PDE1A: variants seen among roughly 807,000 people sequenced by gnomAD.
PDE1A encodes the protein phosphodiesterase 1A.
In PDE1A, 35 loss-of-function variants were observed where a neutral mutation model predicts 61.7. That is an observed-to-expected ratio of 0.57 (90% CI 0.43 to 0.75). PDE1A has a LOEUF of 0.75. PDE1A is among the 30% of genes least tolerant of loss of function. The probability of loss-of-function intolerance (pLI) is 0.00; values close to 1 mark genes in which losing one functional copy is unlikely to be tolerated. For missense variants in PDE1A, 597 were observed against 630.6 expected, an observed-to-expected ratio of 0.95 and a Z score of 0.57; for synonymous variants, 232 against 213.2, an observed-to-expected ratio of 1.09 and a Z score of -0.77.
chr2:182,309,742 A>G (rs571813486), intron 1 of PDE1A, among the ~76,000 whole-genome samples: 1 of 152,312 alleles, frequency 6.6e-6, no homozygotes, highest in Admixed American at 6.5e-5. Flanking sequence ...AATATGCATG[A>G]AATACAACTG....
At chr2:182,339,973 C>A (rs922086999) in intron 1 of PDE1A, among the ~76,000 whole-genome samples, 2 of 152,084 alleles carry the variant, frequency 1.3e-5, no homozygotes, top group Admixed American at 1.3e-4. Flanking sequence ...TGTAAATATG[C>A]CTCAGAATAA....
At chr2:182,597,232 A>G in the PDE1A span, among the ~76,000 whole-genome samples, 1 of 152,150 alleles carries the variant, frequency 6.6e-6, no homozygotes, top group Non-Finnish European at 1.5e-5. Flanking sequence ...CTTAAGAGCA[A>G]TTATGAGAAA....
intron 6 of PDE1A, among the ~76,000 whole-genome samples, chr2:182,227,874 G>GA (rs1388734295): frequency 6.6e-6 from 1 of 152,080 alleles, no homozygotes; most frequent in Non-Finnish European, 1.5e-5. Flanking sequence ...ACTGATCAGA[G>GA]AAAAATGCAG....
chr2:182,319,655 G>A (rs1162237554), intron 1 of PDE1A, among the ~76,000 whole-genome samples: 1 of 152,130 alleles, frequency 6.6e-6, no homozygotes, highest in East Asian at 1.9e-4. Flanking sequence ...GAAGTAAGAA[G>A]TATGTTTAAG....
At chr2:182,169,113 CAT>C (rs1316135435) in intron 13 of PDE1A, among the ~76,000 whole-genome samples, 1 of 151,910 alleles carries the variant, frequency 6.6e-6, no homozygotes, top group African/African-American at 2.4e-5. Flanking sequence ...TTGGTAAACT[CAT>C]AAGCATTAAG....
chr2:182,577,980 GGAAGGAAGGA>G, the PDE1A span, among the ~76,000 whole-genome samples: 28 of 144,596 alleles, frequency 1.9e-4, 1 homozygote, highest in African/African-American at 6.8e-4. Flanking sequence ...AAGGAAGGAA[GGAAGGAAGGA>G]AGGGACGGAG....
At chr2:182,530,549 T>C in the PDE1A span, among the ~76,000 whole-genome samples, 2 of 151,996 alleles carry the variant, frequency 1.3e-5, no homozygotes, top group Admixed American at 6.5e-5. Context: ...TTCTTACCTA[T>C]AGAGAAAAAA....
At chr2:182,491,214 G>C (rs185295328) in intron 2 of PDE1A, among the ~76,000 whole-genome samples, 3 of 152,310 alleles carry the variant, frequency 2.0e-5, no homozygotes, top group Non-Finnish European at 4.4e-5. Context: ...CAGTATAATA[G>C]TGTGTTTTTC....
the PDE1A span, among the ~76,000 whole-genome samples, chr2:182,707,677 G>A: frequency 4.6e-5 from 7 of 152,154 alleles, no homozygotes; most frequent in Non-Finnish European, 8.8e-5. Context: ...GAAAACTCCA[G>A]GTGGATTCAC....
chr2:182,605,912 A>G, the PDE1A span, among the ~76,000 whole-genome samples: 2 of 152,162 alleles, frequency 1.3e-5, no homozygotes, highest in African/African-American at 4.8e-5. Context: ...CACACACCAA[A>G]ACATCTCAAG....
the PDE1A span, among the ~76,000 whole-genome samples, chr2:182,692,734 G>A: frequency 6.7e-6 from 1 of 149,726 alleles, no homozygotes; most frequent in Admixed American, 6.7e-5. Context: ...GTTGAATTCA[G>A]ATATAAAACA....
At chr2:182,465,876 A>C (rs1686625611) in intron 2 of PDE1A, among the ~76,000 whole-genome samples, 1 of 152,136 alleles carries the variant, frequency 6.6e-6, no homozygotes, top group African/African-American at 2.4e-5. Flanking sequence ...CATTAAATAA[A>C]CAGTTTACTT....
At chr2:182,715,207 T>C in the PDE1A span, among the ~76,000 whole-genome samples, 1 of 152,216 alleles carries the variant, frequency 6.6e-6, no homozygotes, top group South Asian at 2.1e-4. Flanking sequence ...ATCCTAGCTC[T>C]CAAATATTTG....
At chr2:182,564,671 C>T in the PDE1A span, among the ~76,000 whole-genome samples, 3 of 152,274 alleles carry the variant, frequency 2.0e-5, no homozygotes, top group Admixed American at 6.5e-5. Flanking sequence ...TCCATTCTCC[C>T]CGTCACTTTC....
upstream of PDE1A, among the ~76,000 whole-genome samples, chr2:182,430,848 A>G (rs1479554356): frequency 1.6e-5 from 2 of 123,778 alleles, no homozygotes; most frequent in African/African-American, 5.9e-5. Flanking sequence ...TCAGTAAACT[A>G]TCGCAAGAAC....
At chr2:182,624,330 G>A in the PDE1A span, among the ~76,000 whole-genome samples, 1 of 152,150 alleles carries the variant, frequency 6.6e-6, no homozygotes, top group South Asian at 2.1e-4. Flanking sequence ...GCTGCTTATT[G>A]AAAAGGTCTG....
chr2:182,600,031 GA>G, the PDE1A span, among the ~76,000 whole-genome samples: 1 of 152,134 alleles, frequency 6.6e-6, no homozygotes, highest in Non-Finnish European at 1.5e-5. Flanking sequence ...ACTCCCAGGA[GA>G]AAAATAAATC....
intron 1 of PDE1A, among the ~76,000 whole-genome samples, chr2:182,409,916 A>C (rs986245023): frequency 1.3e-5 from 2 of 152,246 alleles, no homozygotes; most frequent in Non-Finnish European, 2.9e-5. Context: ...AAGGATAATA[A>C]TTTTAATATA....
At chr2:182,515,994 G>A (rs2887207) in intron 2 of PDE1A, among the ~76,000 whole-genome samples, 65,832 of 145,586 alleles carry the variant, frequency 0.45, 15,689 homozygotes, top group East Asian at 0.65. Flanking sequence ...GTGTGTGTGT[G>A]TGTGTGTGTT....
Sources: gnomAD v4.1 joint callset for allele counts (sites outside exome capture counted in the v4.1 genomes callset) on GRCh38, gnomAD v4.1.1 for gene constraint, MANE v1.5 for transcripts, NCBI Gene and HGNC (gene_info 2026-07-23, HGNC 2026-07-21) for gene names.